The following SMAD4 variants were observed in gnomAD, a reference collection of about 807,000 sequenced individuals.
The protein encoded by SMAD4 is MAD homolog 4.
A neutral mutation model predicts 63.2 loss-of-function variants in SMAD4; 7 were observed. That is an observed-to-expected ratio of 0.11 (90% CI 0.06 to 0.21). The LOEUF (loss-of-function observed/expected upper bound fraction) is 0.21, where lower values mean the gene tolerates loss of function less well. SMAD4 is among the 10% of genes least tolerant of loss of function. The pLI is 1.00. For synonymous variants in SMAD4, 215 were observed against 235.4 expected (o/e 0.91, Z 0.79); for missense variants, 312 against 693.8 (o/e 0.45, Z 6.18).
intron 7 of SMAD4, 86 bp downstream of exon 7, chr18:51,058,542 T>C: frequency 1.1e-6 from 1 of 890,788 alleles, no homozygotes; most frequent in Non-Finnish European, 1.8e-6. Flanking sequence ...TGTTTTTACA[T>C]CTTTTATTCA....
At chr18:51,060,027 A>G (rs867941149) in intron 8 of SMAD4, 111 bp downstream of exon 8, 67 of 785,210 alleles carry the variant, frequency 8.5e-5, no homozygotes, top group African/African-American at 8.1e-4. Context: ...GATGAGTACA[A>G]TACTCATCAT....
rs1568210358 is a variant in SMAD4, at chr18:51,073,389, A to ATATATAT, written c.1309-3249_1309-3248insTATATAT. Among the ~76,000 whole-genome samples, 181 of 40,602 alleles carry ATATATAT rather than the reference A, an allele frequency of 4.5e-3. 4 individuals carry two copies. The highest frequency in any genetic ancestry group is 0.014 in the Middle Eastern group (1 of 74). 26.6% of individuals were successfully genotyped at this position (40,602 alleles called of 152,430 possible). A position where few individuals can be genotyped will look rare whatever the true frequency, so the allele number is the denominator to read the frequency against. On this transcript the variant is annotated intron_variant, in intron 10 of 11. Transcript: ENST00000342988. ...TATATATATATATATATATATATAT[A>ATATATAT]CACACACACACACACACACACACAC...
intron 8 of SMAD4, among the ~76,000 whole-genome samples, chr18:51,061,861 A>T (rs191229716): frequency 1.3e-5 from 2 of 152,148 alleles, no homozygotes; most frequent in African/African-American, 4.8e-5. Context: ...CTTTGTGTAA[A>T]TGTTCTGTTA....
intron 1 of SMAD4, chr18:51,045,045 A>G (rs775957906): frequency 5.9e-5 from 9 of 152,264 alleles, no homozygotes; most frequent in South Asian, 2.1e-4. Context: ...CAAGTCTTCA[A>G]TATCAGGTGA....
intron 10 of SMAD4, among the ~76,000 whole-genome samples, chr18:51,073,051 A>C (rs1254807996): frequency 6.6e-6 from 1 of 152,068 alleles, no homozygotes; most frequent in Non-Finnish European, 1.5e-5. Context: ...TGCTATAATT[A>C]CGTAAATAAT....
intron 5 of SMAD4, among the ~76,000 whole-genome samples, chr18:51,056,649 G>T (rs1488751553): frequency 6.7e-6 from 1 of 149,484 alleles, no homozygotes; most frequent in African/African-American, 2.4e-5. Flanking sequence ...AAAAAAGAGG[G>T]TTCCCTTAGG....
At chr18:51,032,954 G>A (rs767014959) in intron 1 of SMAD4, among the ~76,000 whole-genome samples, 5 of 151,804 alleles carry the variant, frequency 3.3e-5, no homozygotes, top group African/African-American at 1.2e-4. Context: ...TTTTAGAGTG[G>A]TTCTTTAAGC....
intron 9 of SMAD4, chr18:51,066,693 G>A: frequency 3.6e-6 from 1 of 275,890 alleles, no homozygotes; most frequent in South Asian, 3.9e-5. Flanking sequence ...AGTCACATGT[G>A]GCTAGTGGCT....
chr18:51,055,057 T>A (rs2144420196), intron 5 of SMAD4, 64 bp downstream of exon 5: 1 of 1,209,398 alleles, frequency 8.3e-7, no homozygotes, highest in Non-Finnish European at 1.2e-6. Context: ...TATTTATGTG[T>A]AGTCACTTGG....
rs1338574287 is a variant in SMAD4 at position 51,080,902 on chromosome 18, T to G, written c.*2435T>G. On this transcript the variant is annotated 3_prime_UTR_variant, in exon 12 of 12. Transcript: ENST00000342988. ...TGTTTAATCATCTGGGGAAAGTATG[T>G]GAAAAATATTTGTTAAGAAGTATCT... 1 of 186,560 alleles carries G rather than the reference T, an allele frequency of 5.4e-6. No individual in the cohort carries two copies. The highest frequency in any genetic ancestry group is 6.2e-5 in the Admixed American group (1 of 16,106). The allele number at this position is 186,560 out of a possible 1,614,324, so 11.6% of individuals were successfully genotyped here.
At chr18:51,072,515 G>A (rs1910343922) in intron 10 of SMAD4, among the ~76,000 whole-genome samples, 1 of 152,196 alleles carries the variant, frequency 6.6e-6, no homozygotes, top group East Asian at 1.9e-4. Flanking sequence ...AATGTCCTTA[G>A]CACAATCTTG....
chr18:51,048,975 G>A, intron 3 of SMAD4, 115 bp downstream of exon 3: 2 of 886,702 alleles, frequency 2.3e-6, no homozygotes, highest in African/African-American at 1.7e-5. Flanking sequence ...CTTTAAATAA[G>A]GTTAAAGAAT....
At chr18:51,057,206 C>A (rs1909868932) in intron 5 of SMAD4, among the ~76,000 whole-genome samples, 4 of 151,918 alleles carry the variant, frequency 2.6e-5, no homozygotes, top group Admixed American at 2.6e-4. Flanking sequence ...GATTATACTC[C>A]CATTTAGAAA....
rs1330764657 is a variant in SMAD4 at position 51,066,773 on chromosome 18, A to G, written c.1140-246A>G. On this transcript the variant is annotated intron_variant, in intron 9 of 11. Transcript: ENST00000342988. ...AGAATAATAGTACTTGTTGAGTTGT[A>G]AGGGTTTAATGAGAATTCATACTAC... The G allele has an allele frequency of 6.7e-6, 3 of 446,040 alleles. No homozygotes were observed. The East Asian group carries it at 1.3e-4, about 19-fold the overall frequency. The allele number at this position is 446,040 out of a possible 1,614,324, so 27.6% of individuals were successfully genotyped here.
At chr18:51,065,721 GA>G in intron 9 of SMAD4, 115 bp downstream of exon 9, 1 of 797,218 alleles carries the variant, frequency 1.3e-6, no homozygotes, top group East Asian at 2.7e-5. Context: ...ATAAATAAAG[GA>G]ATAAAGGTCA....
chr18:51,066,994 A>G (rs1346379027), intron 9 of SMAD4, 25 bp from the exon 10 acceptor site: 1 of 1,560,752 alleles, frequency 6.4e-7, no homozygotes, highest in Non-Finnish European at 8.8e-7. Context: ...TCAAGATAAA[A>G]TGTAATTTCT....
rs1361892129 is a variant in SMAD4, at chr18:51,055,927, G to A, written c.667+934G>A. ...AATTTTGATCTTTGGAATAAATGGG[G>A]GACTGATTTCTGTAATTGTGAGTTT... On this transcript the variant is annotated intron_variant, in intron 5 of 11. Coordinates refer to ENST00000342988, the MANE Select transcript of SMAD4 (RefSeq NM_005359.6). Among the ~76,000 whole-genome samples the A allele has an allele frequency of 2.0e-5, 3 of 152,052 alleles. No homozygotes were observed. In the South Asian group the frequency reaches 6.2e-4, roughly 32 times the overall value.
At chr18:51,048,007 A>T (rs142461428) in intron 2 of SMAD4, among the ~76,000 whole-genome samples, 1 of 152,204 alleles carries the variant, frequency 6.6e-6, no homozygotes, top group Non-Finnish European at 1.5e-5. Flanking sequence ...ACTGTTAGCA[A>T]ATGTTTCATT....
At chr18:51,073,386 T>TATATATATATAC (rs1785322572) in intron 10 of SMAD4, among the ~76,000 whole-genome samples, 1 of 82,076 alleles carries the variant, frequency 1.2e-5, no homozygotes, top group African/African-American at 5.3e-5. Context: ...TATATATATA[T>TATATATATATAC]ATACACACAC....
Sources: allele counts gnomAD v4.1 joint callset (sites outside exome capture counted in the v4.1 genomes callset), GRCh38; gene constraint gnomAD v4.1.1; transcripts MANE v1.5; gene names NCBI Gene and HGNC (gene_info 2026-07-23, HGNC 2026-07-21).